Variants in REV3L observed in about 807,000 individuals in gnomAD.
REV3L encodes the protein REV3 like, DNA directed polymerase zeta catalytic subunit.
Under a neutral mutation model 299.4 loss-of-function variants are expected in REV3L, and 69 were observed. The ratio of observed to expected loss-of-function variants is 0.23; its 90% CI spans 0.19 to 0.28. The LOEUF (loss-of-function observed/expected upper bound fraction) is 0.28. Among genes scored for constraint, REV3L ranks in the 10% least tolerant of loss-of-function variants. REV3L has a pLI of 1.00. For synonymous variants in REV3L, 1,238 were observed against 1,271.4 expected, an observed-to-expected ratio of 0.97 and a Z score of 0.56; for missense variants, 3,128 against 3,693.8, an observed-to-expected ratio of 0.85 and a Z score of 3.97.
chr6:111,419,850 C>CT (rs879649791), intron 1 of REV3L, among the ~76,000 whole-genome samples: 343 of 145,656 alleles, frequency 2.4e-3, no homozygotes, highest in African/African-American at 5.2e-3. Flanking sequence ...TTTGGATTCT[C>CT]TTTTTTTTTT....
Position 111,313,476 on chromosome 6 carries a change from C to T in REV3L, c.8480G>A (p.Cys2827Tyr). 1 of 1,609,960 alleles carries T rather than the reference C, an allele frequency of 6.2e-7. No individual in the cohort carries two copies. The highest frequency in any genetic ancestry group is 8.5e-7 in the Non-Finnish European group (1 of 1,178,752). The change falls in exon 28 of 32, where the codon TGT becomes TAT. Residue 2827 changes from cysteine (C) to tyrosine (Y), a missense_variant. Around this residue, in one of 9 missense-constraint regions of REV3L, gnomAD observed 294 missense variants for 377.0 expected, o/e 0.78. Transcript: ENST00000368802. ...ATACCTCTTTTTTGTTTGTAAAACA[C>T]AGGGCAAATATACCTGTGGTAAAAT... ...KLKFEKVYLP[C>Y]VLQTKKRYVG... is the part of the protein sequence containing the mutation.
intron 1 of REV3L, among the ~76,000 whole-genome samples, chr6:111,467,104 T>G (rs1159238673): frequency 6.6e-6 from 1 of 152,248 alleles, no homozygotes; most frequent in Admixed American, 6.5e-5. Context: ...CTATTTGTTT[T>G]TGATGCTGCT....
intron 6 of REV3L, 63 bp downstream of exon 6, chr6:111,390,023 C>T (rs1019441920): frequency 9.1e-5 from 101 of 1,113,644 alleles, no homozygotes; most frequent in Non-Finnish European, 1.3e-4. Flanking sequence ...CGTGAGCCAC[C>T]ACACCCGCCG....
chr6:111,368,425 C>T (rs1779443600), intron 13 of REV3L, among the ~76,000 whole-genome samples: 1 of 152,144 alleles, frequency 6.6e-6, no homozygotes, highest in Non-Finnish European at 1.5e-5. Flanking sequence ...AATACTATGT[C>T]CCTGGATATT....
Position 111,375,250 on chromosome 6 carries a change from A to T in REV3L, c.3105T>A (p.Tyr1035Ter). ...TCTTTGGTGTTAGTGGATAAATGGG[A>T]TATTTGGTTGCAGGGGAGTCGGGAA... is the stretch of plus-strand genomic sequence containing the variant. ...PKVPDSPATKYPIYPLTPKKS... is the reference protein window; with the variant it reads ...PKVPDSPATK The change falls in exon 13 of 32, where the codon TAT (tyrosine) becomes TAA (stop). Residue 1035 changes from tyrosine to a stop codon, truncating the protein, a stop_gained. Coordinates refer to ENST00000368802, the MANE Select transcript of REV3L (RefSeq NM_001372078.1). LOFTEE classifies it high-confidence loss of function. The T allele has an allele frequency of 6.2e-7, 1 of 1,611,584 alleles. No individual in the cohort carries two copies. Among genetic ancestry groups the T allele is most frequent in the Non-Finnish European group, 8.5e-7 (1 of 1,179,524 alleles).
chr6:111,463,184 A>G (rs1448888319), intron 1 of REV3L, among the ~76,000 whole-genome samples: 1 of 152,186 alleles, frequency 6.6e-6, no homozygotes, highest in African/African-American at 2.4e-5. Context: ...AGTATTTACA[A>G]TTCATTCACA....
intron 16 of REV3L, among the ~76,000 whole-genome samples, chr6:111,360,397 A>AT (rs1042130021): frequency 1.3e-5 from 2 of 150,952 alleles, no homozygotes; most frequent in African/African-American, 2.4e-5. Context: ...TTCATTGCAA[A>AT]TTTTTTTGTC....
At chr6:111,437,171 G>A (rs1787651356) in intron 1 of REV3L, among the ~76,000 whole-genome samples, 1 of 152,134 alleles carries the variant, frequency 6.6e-6, no homozygotes, top group Admixed American at 6.5e-5. Flanking sequence ...TTATAGAATA[G>A]TCTGGTAGTT....
intron 22 of REV3L, among the ~76,000 whole-genome samples, chr6:111,333,904 A>C (rs935190156): frequency 6.6e-6 from 1 of 152,236 alleles, no homozygotes; most frequent in African/African-American, 2.4e-5. Flanking sequence ...TCAATTTTAA[A>C]AGACAGATGC....
chr6:111,460,550 T>C (rs543085114), intron 1 of REV3L: 2 of 151,992 alleles, frequency 1.3e-5, no homozygotes, highest in African/African-American at 2.4e-5. Flanking sequence ...AGCAAGAATA[T>C]TTTAGAAAAA....
rs558817090 is a variant in REV3L at position 111,419,730 on chromosome 6, C to A, written c.140-3258G>T. 2.0e-5 allele frequency among the ~76,000 whole-genome samples: 3 copies of A among 152,244 alleles called. No individual in the cohort carries two copies. In the East Asian group the frequency reaches 5.8e-4, roughly 29 times the overall value. ...TAATTAAGAACTTGTGACTTCAGTC[C>A]AGGCGCTTTTCCACTATACTTCTAG... On this transcript the variant is annotated intron_variant, in intron 1 of 31. Transcript: ENST00000368802.
chr6:111,391,902 T>G (rs756120946), intron 5 of REV3L, among the ~76,000 whole-genome samples: 1 of 152,212 alleles, frequency 6.6e-6, no homozygotes, highest in Non-Finnish European at 1.5e-5. Flanking sequence ...GGTGGGAGGA[T>G]CACTTGAGCC....
intron 13 of REV3L, among the ~76,000 whole-genome samples, chr6:111,368,974 A>G (rs878928262): frequency 2.6e-5 from 4 of 152,124 alleles, no homozygotes; most frequent in Non-Finnish European, 4.4e-5. Context: ...CTTTATATGA[A>G]AAGACTTAAG....
chr6:111,390,178 G>A lies in REV3L; in HGVS notation c.665C>T (p.Ser222Phe). 6.4e-7 allele frequency: 1 copy of A among 1,571,492 alleles called. No homozygotes were observed. The highest frequency in any genetic ancestry group is 1.1e-5 in the South Asian group (1 of 89,770). ...FRWEQDEIPS[S>F]LILEGVEPQS... ...TGGTTCAACACCTTCCAATATTAAA[G>A]AGCTGCAATTAAAGGATATAAAAAA... Residue 222 changes from serine to phenylalanine, a missense_variant and splice_region_variant, in exon 6 of 32, where the codon TCT becomes TTT. Physicochemically the swap from Ser to Phe is radical, Grantham distance 155 (BLOSUM62 -2). Transcript: ENST00000368802.
intron 19 of REV3L, among the ~76,000 whole-genome samples, chr6:111,350,484 A>C (rs1190682111): frequency 6.6e-6 from 1 of 152,178 alleles, no homozygotes; most frequent in Non-Finnish European, 1.5e-5. Flanking sequence ...TATTGAAAAA[A>C]AAAAAAGATA....
intron 1 of REV3L, among the ~76,000 whole-genome samples, chr6:111,432,750 C>A (rs1397607251): frequency 6.6e-6 from 1 of 152,192 alleles, no homozygotes; most frequent in African/African-American, 2.4e-5. Context: ...AAAACACATT[C>A]TTTTCATCAG....
chr6:111,426,175 C>T (rs1786158886), intron 1 of REV3L, among the ~76,000 whole-genome samples: 1 of 152,118 alleles, frequency 6.6e-6, no homozygotes, highest in Non-Finnish European at 1.5e-5. Flanking sequence ...GTAGGGTATA[C>T]ATTAGTAGTA....
At chr6:111,347,808 T>C (rs1463400504) in intron 20 of REV3L, among the ~76,000 whole-genome samples, 1 of 152,068 alleles carries the variant, frequency 6.6e-6, no homozygotes, top group African/African-American at 2.4e-5. Flanking sequence ...ACTGCAGCCT[T>C]GAATTCCTGG....
intron 1 of REV3L, among the ~76,000 whole-genome samples, chr6:111,475,080 TA>T (rs1792770817): frequency 6.6e-6 from 1 of 152,044 alleles, no homozygotes; most frequent in African/African-American, 2.4e-5. Flanking sequence ...ATATAGCATA[TA>T]AAAATATATA....
Sources: allele counts gnomAD v4.1 joint callset (sites outside exome capture counted in the v4.1 genomes callset), GRCh38; gene constraint gnomAD v4.1.1; regional missense constraint gnomAD v4.1.1; transcripts MANE v1.5; gene names NCBI Gene and HGNC (gene_info 2026-07-23, HGNC 2026-07-21).